Variants in PYGO1 observed in about 807,000 individuals in gnomAD.
PYGO1 encodes the protein pygopus family PHD finger 1.
PYGO1 carries 6 observed loss-of-function variants against 29.5 expected under a neutral mutation model. That is an observed-to-expected ratio of 0.20 (90% CI 0.11 to 0.40). PYGO1 has a LOEUF of 0.40. PYGO1 is among the 10% of genes least tolerant of loss of function. PYGO1 has a pLI of 1.00. For synonymous variants in PYGO1, 186 were observed against 180.5 expected, an observed-to-expected ratio of 1.03 and a Z score of -0.24; for missense variants, 515 against 514.9, an observed-to-expected ratio of 1.00 and a Z score of 0.00.
chr15:55,546,828 T>A lies in PYGO1; in HGVS notation c.455A>T (p.Asp152Val). Residue 152 changes from aspartate to valine, a missense_variant, in exon 3 of 3, where the codon GAT becomes GTT. By Grantham distance (152) the Asp-to-Val change is radical (BLOSUM62 -3). Coordinates refer to ENST00000563719, the MANE Select transcript of PYGO1 (RefSeq NM_001367806.1). The stretch of plus-strand genomic sequence containing the variant: ...AGATGGATTACCGAAACTTGAATTA[T>A]CATGTGGCCCAAAGTTAAAAGCATG... The part of the protein sequence containing the change: ...RPHAFNFGPH[D>V]NSSFGNPSYN... The A allele has an allele frequency of 6.2e-7, 1 of 1,614,078 alleles. No homozygotes were observed. The highest frequency in any genetic ancestry group is 8.5e-7 in the Non-Finnish European group (1 of 1,179,978).
chr15:55,560,077 A>G (rs2058926342), intron 1 of PYGO1, among the ~76,000 whole-genome samples: 2 of 152,156 alleles, frequency 1.3e-5, no homozygotes, highest in South Asian at 4.1e-4. Context: ...GCTGATTATC[A>G]TACTGAATGG....
intron 1 of PYGO1, among the ~76,000 whole-genome samples, chr15:55,586,942 T>C (rs147559259): frequency 2.3e-3 from 346 of 152,368 alleles, no homozygotes; most frequent in Admixed American, 3.8e-3. Context: ...GAACTCCTAC[T>C]GGATGAAGAT....
At position 55,544,114 on chromosome 15, in the gene PYGO1, A is replaced by G. The variant is rs780251803; in HGVS notation, c.*1909T>C. ...TTTACAACTACTGAAAATATTTTGTACTCACCTCTAACTAGTCAAGGGTAA... is the reference window on the plus strand; with the variant it reads ...TTTACAACTACTGAAAATATTTTGTGCTCACCTCTAACTAGTCAAGGGTAA... On this transcript the variant is annotated 3_prime_UTR_variant, in exon 3 of 3. Transcript: ENST00000563719. The G allele has an allele frequency of 5.3e-5, 8 of 152,172 alleles. No individual in the cohort carries two copies. Among genetic ancestry groups the G allele is most frequent in the Non-Finnish European group, 1.0e-4 (7 of 68,016 alleles). The allele number at this position is 152,172 out of a possible 1,614,324, so 9.4% of individuals were successfully genotyped here. A position where few individuals can be genotyped will look rare whatever the true frequency, so the allele number is the denominator to read the frequency against.
chr15:55,588,709 A>G, upstream of PYGO1: 1 of 1,393,182 alleles, frequency 7.2e-7, no homozygotes, highest in South Asian at 1.2e-5. Flanking sequence ...TACCGGGCCC[A>G]GCTTTCGCAA....
chr15:55,565,808 C>CGG, intron 1 of PYGO1, among the ~76,000 whole-genome samples: 5 of 152,194 alleles, frequency 3.3e-5, no homozygotes, highest in African/African-American at 1.2e-4. Context: ...TTTCTTGAGA[C>CGG]AGTCTCACTC....
chr15:55,588,097 G>A lies in PYGO1; in HGVS notation c.-214C>T. On this transcript the variant is annotated 5_prime_UTR_variant, in exon 1 of 3. Coordinates refer to ENST00000563719, the MANE Select transcript of PYGO1 (RefSeq NM_001367806.1). Reference sequence around the variant, plus strand: ...CGGCGGGGCGGCGGGGCGGCGTGCGGGCACCGGCGGGGCTCAGCGGCGGTG... The same window carrying A: ...CGGCGGGGCGGCGGGGCGGCGTGCGAGCACCGGCGGGGCTCAGCGGCGGTG... 1.0e-6 allele frequency: 1 copy of A among 1,003,632 alleles called. No individual in the cohort carries two copies. The highest frequency in any genetic ancestry group is 4.5e-5 in the South Asian group (1 of 22,300). 62.2% of individuals were successfully genotyped at this position (1,003,632 alleles called of 1,614,324 possible). A position where few individuals can be genotyped will look rare whatever the true frequency, so the allele number is the denominator to read the frequency against.
At chr15:55,566,853 A>G (rs765784802) in intron 1 of PYGO1, among the ~76,000 whole-genome samples, 3 of 152,068 alleles carry the variant, frequency 2.0e-5, no homozygotes, top group Non-Finnish European at 4.4e-5. Flanking sequence ...ACTTCAGCCT[A>G]CCAGGTAGCT....
intron 1 of PYGO1, among the ~76,000 whole-genome samples, chr15:55,581,657 T>A (rs1248839671): frequency 1.3e-5 from 2 of 152,146 alleles, no homozygotes; most frequent in Non-Finnish European, 2.9e-5. Flanking sequence ...GAACATCAAT[T>A]CCTCGACTGT....
At chr15:55,577,792 G>T (rs1214023533) in intron 1 of PYGO1, among the ~76,000 whole-genome samples, 3 of 129,190 alleles carry the variant, frequency 2.3e-5, no homozygotes, top group Non-Finnish European at 3.1e-5. Flanking sequence ...TTGAGACAGA[G>T]TCTCGCTCTA....
At chr15:55,571,296 T>C (rs994623255) in intron 1 of PYGO1, among the ~76,000 whole-genome samples, 1 of 152,232 alleles carries the variant, frequency 6.6e-6, no homozygotes, top group Non-Finnish European at 1.5e-5. Context: ...ACCTTTTAGC[T>C]ACTGTGACTA....
intron 1 of PYGO1, among the ~76,000 whole-genome samples, chr15:55,570,265 C>T (rs916779985): frequency 1.3e-5 from 2 of 152,140 alleles, no homozygotes; most frequent in African/African-American, 4.8e-5. Context: ...CAGAGTTGAT[C>T]TTTATGTACT....
chr15:55,573,595 T>C (rs968635901), intron 1 of PYGO1, among the ~76,000 whole-genome samples: 1 of 152,230 alleles, frequency 6.6e-6, no homozygotes, highest in African/African-American at 2.4e-5. Context: ...TAAGCATCTG[T>C]CAACAATGGG....
At chr15:55,552,583 C>G (rs562003693) in intron 1 of PYGO1, among the ~76,000 whole-genome samples, 9 of 152,102 alleles carry the variant, frequency 5.9e-5, no homozygotes, top group East Asian at 3.9e-4. Flanking sequence ...AGCCCCACCT[C>G]CAGCCAAGGG....
intron 1 of PYGO1, among the ~76,000 whole-genome samples, chr15:55,565,452 C>T (rs1210019528): frequency 6.6e-6 from 1 of 151,970 alleles, no homozygotes; most frequent in African/African-American, 2.4e-5. Context: ...GCCTGTAATC[C>T]TAGCACTTTG....
In PYGO1 at chr15:55,588,303, G is replaced by C. The variant is rs1351261555; in HGVS notation, c.-420C>G. On this transcript the variant is annotated 5_prime_UTR_variant, in exon 1 of 3. Transcript: ENST00000563719. Reference sequence around the variant, plus strand: ...TGGCGGCACACTCACAGCGCCCTCTGAGGAGGAGGTCTGCTCTCTCGCCGC... The same window carrying C: ...TGGCGGCACACTCACAGCGCCCTCTCAGGAGGAGGTCTGCTCTCTCGCCGC... 6.7e-6 allele frequency among the ~76,000 whole-genome samples: 1 copy of C among 148,752 alleles called. No homozygotes were observed. The highest frequency in any genetic ancestry group is 1.5e-5 in the Non-Finnish European group (1 of 66,716).
intron 1 of PYGO1, among the ~76,000 whole-genome samples, chr15:55,563,367 T>TG (rs71297646): frequency 1.8e-5 from 1 of 55,328 alleles, no homozygotes; most frequent in Non-Finnish European, 3.5e-5. Context: ...GAATAAATTC[T>TG]TTTTTTTTTT....
intron 1 of PYGO1, among the ~76,000 whole-genome samples, chr15:55,565,138 T>C (rs918062169): frequency 6.6e-6 from 1 of 152,084 alleles, no homozygotes; most frequent in Non-Finnish European, 1.5e-5. Flanking sequence ...AATCTCCCTA[T>C]CTCCAGGTGA....
At chr15:55,581,243 A>C (rs2059023780) in intron 1 of PYGO1, among the ~76,000 whole-genome samples, 1 of 152,212 alleles carries the variant, frequency 6.6e-6, no homozygotes, top group Non-Finnish European at 1.5e-5. Context: ...TGGGAGAAAA[A>C]GAGGGCATGT....
chr15:55,582,206 CAA>C, intron 1 of PYGO1, among the ~76,000 whole-genome samples: 1 of 104,056 alleles, frequency 9.6e-6, no homozygotes, highest in African/African-American at 3.8e-5. Context: ...GGCTCCATCT[CAA>C]AAAAAAAAAA....
Sources: allele counts gnomAD v4.1 joint callset (sites outside exome capture counted in the v4.1 genomes callset), GRCh38; gene constraint gnomAD v4.1.1; transcripts MANE v1.5; gene names NCBI Gene and HGNC (gene_info 2026-07-23, HGNC 2026-07-21).